The following PEMT variants were observed in gnomAD, a reference collection of about 807,000 sequenced individuals.
PEMT encodes phosphatidylethanolamine N-methyltransferase, also known as phospholipid methyltransferase.
Under a neutral mutation model 27.4 loss-of-function variants are expected in PEMT, and 23 were observed. That is an observed-to-expected ratio of 0.84 (90% CI 0.60 to 1.19). The LOEUF (loss-of-function observed/expected upper bound fraction) is 1.19, where lower values mean the gene tolerates loss of function less well. Ranked by LOEUF, PEMT falls within the 50% of genes most tolerant of loss-of-function variation. The probability of loss-of-function intolerance (pLI) is 0.00; values close to 1 mark genes in which losing one functional copy is unlikely to be tolerated. For synonymous variants in PEMT, 137 were observed against 139.1 expected (o/e 0.98, Z 0.11); for missense variants, 307 against 310.1 (o/e 0.99, Z 0.07).
chr17:17,535,235 T>G (rs1487743827), intron 2 of PEMT, among the ~76,000 whole-genome samples: 1 of 152,160 alleles, frequency 6.6e-6, no homozygotes, highest in Non-Finnish European at 1.5e-5. Context: ...AATGAAATTA[T>G]TAATTTTGCT....
At chr17:17,548,582 CTT>C (rs1391783109) in intron 2 of PEMT, among the ~76,000 whole-genome samples, 1 of 152,088 alleles carries the variant, frequency 6.6e-6, no homozygotes, top group Non-Finnish European at 1.5e-5. Flanking sequence ...CAGTTTCGCT[CTT>C]GTTGCCCAGG....
intron 2 of PEMT, among the ~76,000 whole-genome samples, chr17:17,557,872 G>T (rs60343188): frequency 0.06 from 9,102 of 152,236 alleles, 380 homozygotes; most frequent in East Asian, 0.14. Flanking sequence ...CCCTCCCCAG[G>T]GTTTACTAGG....
At chr17:17,580,031 C>T (rs1402038031) in intron 1 of PEMT, among the ~76,000 whole-genome samples, 2 of 152,148 alleles carry the variant, frequency 1.3e-5, no homozygotes, top group Non-Finnish European at 2.9e-5. Context: ...AGACACTGGC[C>T]GCTCATGAAG....
intron 1 of PEMT, among the ~76,000 whole-genome samples, chr17:17,586,265 AAAGAAAG>A (rs1912283749): frequency 8.5e-6 from 1 of 117,292 alleles, no homozygotes; most frequent in African/African-American, 4.0e-5. Flanking sequence ...AGAAAGAAAG[AAAGAAAG>A]AAAGAAAGAA....
intron 1 of PEMT, among the ~76,000 whole-genome samples, chr17:17,585,024 G>GC (rs1912169850): frequency 6.6e-6 from 1 of 152,200 alleles, no homozygotes; most frequent in Non-Finnish European, 1.5e-5. Context: ...TGCGAGGCAT[G>GC]CCCACTCTTC....
chr17:17,515,280 A>C (rs4646405), intron 3 of PEMT, among the ~76,000 whole-genome samples: 1 of 152,182 alleles, frequency 6.6e-6, no homozygotes, highest in Admixed American at 6.5e-5. Flanking sequence ...AGCCCAGCTC[A>C]TTCAGGGCCC....
At position 17,509,461 on chromosome 17, in the gene PEMT, G is replaced by A. The variant is rs1375943141; in HGVS notation, c.551C>T (p.Thr184Ile). Residue 184 changes from threonine to isoleucine, a missense_variant, in exon 5 of 7, where the codon ACA becomes ATA. Coordinates refer to ENST00000255389, the MANE Select transcript of PEMT (RefSeq NM_148172.3). ...ILDNPMYWGS[T>I]ANYLGWAIMH... is the part of the protein sequence containing the mutation. Reference sequence around the variant, plus strand: ...GATGGCCCAGCCCAGGTAGTTGGCTGTGCTTCCCCAGTACATGGGGTTGTC... The same window carrying A: ...GATGGCCCAGCCCAGGTAGTTGGCTATGCTTCCCCAGTACATGGGGTTGTC... The A allele has an allele frequency of 1.2e-6, 2 of 1,613,282 alleles. No individual in the cohort carries two copies. Among genetic ancestry groups the A allele is most frequent in the South Asian group, 1.1e-5 (1 of 91,026 alleles).
intron 1 of PEMT, chr17:17,577,480 G>A (rs1911679515): frequency 9.7e-7 from 1 of 1,028,448 alleles, no homozygotes; most frequent in Non-Finnish European, 1.2e-6. Context: ...CTCGACAGGG[G>A]ACAATCTTGA....
At chr17:17,578,102 A>G (rs768904831) in intron 1 of PEMT, among the ~76,000 whole-genome samples, 1 of 152,062 alleles carries the variant, frequency 6.6e-6, no homozygotes, top group South Asian at 2.1e-4. Flanking sequence ...AGCAGGCTGC[A>G]TGATTCAGCA....
intron 3 of PEMT, among the ~76,000 whole-genome samples, chr17:17,515,928 C>T (rs1372931078): frequency 1.3e-5 from 2 of 152,160 alleles, no homozygotes; most frequent in African/African-American, 4.8e-5. Context: ...CCATAAAATC[C>T]CGGAAACCCT....
At chr17:17,522,766 T>C (rs1479688528) in intron 2 of PEMT, among the ~76,000 whole-genome samples, 1 of 151,812 alleles carries the variant, frequency 6.6e-6, no homozygotes, top group Admixed American at 6.6e-5. Context: ...GCTGAGTGCA[T>C]CCCACAGACT....
intron 2 of PEMT, among the ~76,000 whole-genome samples, chr17:17,556,870 G>T (rs1283233707): frequency 6.6e-6 from 1 of 152,172 alleles, no homozygotes; most frequent in Non-Finnish European, 1.5e-5. Flanking sequence ...CAGATGTCGT[G>T]GCTCCCGCAG....
At chr17:17,517,103 G>C (rs545046489) in intron 3 of PEMT, among the ~76,000 whole-genome samples, 2 of 152,178 alleles carry the variant, frequency 1.3e-5, no homozygotes, top group Non-Finnish European at 2.9e-5. Flanking sequence ...TCAAGGACCC[G>C]CGTCCTGCCA....
At chr17:17,539,966 C>T (rs1908765935) in intron 2 of PEMT, among the ~76,000 whole-genome samples, 2 of 152,114 alleles carry the variant, frequency 1.3e-5, no homozygotes, top group African/African-American at 2.4e-5. Context: ...GCAGGAGGCT[C>T]GGGAGCAGGA....
At chr17:17,528,681 G>T (rs1907875767) in intron 2 of PEMT, among the ~76,000 whole-genome samples, 2 of 152,178 alleles carry the variant, frequency 1.3e-5, no homozygotes, top group African/African-American at 4.8e-5. Context: ...TCCCACCCTG[G>T]CCCCCCAGAA....
intron 2 of PEMT, among the ~76,000 whole-genome samples, chr17:17,544,602 C>T (rs1909123621): frequency 6.6e-6 from 1 of 152,182 alleles, no homozygotes; most frequent in African/African-American, 2.4e-5. Flanking sequence ...CCCCCACTGC[C>T]CCGATTCACT....
chr17:17,507,514 A>G, intron 5 of PEMT: 1 of 383,924 alleles, frequency 2.6e-6, no homozygotes, highest in Non-Finnish European at 4.8e-6. Context: ...ACGTAAGCAA[A>G]GATCCAAGCC....
intron 2 of PEMT, among the ~76,000 whole-genome samples, chr17:17,554,667 G>A (rs1909920538): frequency 6.6e-6 from 1 of 152,152 alleles, no homozygotes; most frequent in African/African-American, 2.4e-5. Context: ...CCAGGCTGGA[G>A]TGTAGTGACA....
At chr17:17,511,320 G>A (rs1314563081) in intron 4 of PEMT, among the ~76,000 whole-genome samples, 3 of 152,204 alleles carry the variant, frequency 2.0e-5, no homozygotes, top group Non-Finnish European at 4.4e-5. Context: ...GCGTCTGCCT[G>A]AGCAGGAAGC....
Sources: gnomAD v4.1 joint callset for allele counts (sites outside exome capture counted in the v4.1 genomes callset) on GRCh38, gnomAD v4.1.1 for gene constraint, MANE v1.5 for transcripts, NCBI Gene and HGNC (gene_info 2026-07-23, HGNC 2026-07-21) for gene names.